RHOG: variants seen among roughly 807,000 people sequenced by gnomAD.
RHOG encodes the protein rho-related GTP-binding protein RhoG.
RHOG carries 1 observed loss-of-function variant against 12.3 expected under a neutral mutation model. The ratio of observed to expected loss-of-function variants is 0.08; its 90% CI spans 0.03 to 0.39. The LOEUF is 0.39. Ranked by LOEUF, RHOG falls within the 10% of genes least tolerant of loss-of-function variation. The pLI is 0.99. For synonymous variants in RHOG, 129 were observed against 116.0 expected, an observed-to-expected ratio of 1.11 and a Z score of -0.72; for missense variants, 114 against 266.2, an observed-to-expected ratio of 0.43 and a Z score of 3.98.
Position 3,829,992 on chromosome 11 carries a change from G to A in RHOG, c.-68-1786C>T, listed in dbSNP as rs181455630. ...GAACTCCTGACCTTGTGATCTGCCC[G>A]CCTTGGCCTTCCAAAAAGTGCTGGG... is the stretch of plus-strand genomic sequence containing the variant. On this transcript the variant is annotated intron_variant, in intron 1 of 1. Coordinates refer to ENST00000351018, the MANE Select transcript of RHOG (RefSeq NM_001665.4). Among the ~76,000 whole-genome samples, 202 of 152,056 alleles carry A rather than the reference G, an allele frequency of 1.3e-3. 1 individual carries two copies. The highest frequency in any genetic ancestry group is 2.1e-3 in the Non-Finnish European group (141 of 67,958).
rs2090083562 is a variant in RHOG at position 3,827,235 on chromosome 11, C to T, written c.*328G>A. 2 of 344,262 alleles carry T rather than the reference C, an allele frequency of 5.8e-6. No individual in the cohort carries two copies. Among genetic ancestry groups the T allele is most frequent in the Non-Finnish European group, 1.1e-5 (2 of 185,420 alleles). 21.3% of individuals were successfully genotyped at this position (344,262 alleles called of 1,614,324 possible). Reference sequence around the variant, plus strand: ...CCTGAGGCGGCACCACAATAGGCAGCAACAACTGTGTGGAAAGCTGGATGA... The same window carrying T: ...CCTGAGGCGGCACCACAATAGGCAGTAACAACTGTGTGGAAAGCTGGATGA... On this transcript the variant is annotated 3_prime_UTR_variant, in exon 2 of 2. Coordinates refer to ENST00000351018, the MANE Select transcript of RHOG (RefSeq NM_001665.4). The surrounding 1 kb of genome is among the most constrained non-coding windows in gnomAD (Gnocchi z 7.3).
chr11:3,828,796 A>AT lies in RHOG; in HGVS notation c.-68-591dup, dbSNP rs942473372. 7.9e-5 allele frequency among the ~76,000 whole-genome samples: 12 copies of AT among 151,416 alleles called. 1 individual carries two copies. The highest frequency in any genetic ancestry group is 6.3e-4 in the South Asian group (3 of 4,790). On this transcript the variant is annotated intron_variant, in intron 1 of 1. Coordinates refer to ENST00000351018, the MANE Select transcript of RHOG (RefSeq NM_001665.4). ...CCACCACGCCCGGCTAATTTTTTGTATTTTTAGTAGAGATGGGGTTTCACC... is the reference window on the plus strand; with the variant it reads ...CCACCACGCCCGGCTAATTTTTTGTATTTTTTAGTAGAGATGGGGTTTCACC...
chr11:3,830,827 G>A (rs1021831747), intron 1 of RHOG, among the ~76,000 whole-genome samples: 4 of 152,036 alleles, frequency 2.6e-5, no homozygotes, highest in African/African-American at 9.7e-5. Context: ...ACAGGGCCTC[G>A]GGGAGATGAA....
intron 1 of RHOG, among the ~76,000 whole-genome samples, chr11:3,840,336 C>A (rs2090183539): frequency 6.6e-6 from 1 of 152,200 alleles, no homozygotes; most frequent in African/African-American, 2.4e-5. Context: ...GGGGCTCCCC[C>A]ACCCAACCCG....
chr11:3,840,229 G>A (rs2135144082), intron 1 of RHOG, among the ~76,000 whole-genome samples: 1 of 152,252 alleles, frequency 6.6e-6, no homozygotes, highest in East Asian at 1.9e-4. Context: ...GCTCTGGTCA[G>A]CTAGGAACAG....
At chr11:3,836,750 A>C (rs577414434) in intron 1 of RHOG, among the ~76,000 whole-genome samples, 4 of 151,756 alleles carry the variant, frequency 2.6e-5, no homozygotes, top group African/African-American at 9.7e-5. Flanking sequence ...AAATACAAAA[A>C]AAATTAGCTG....
chr11:3,834,629 G>C (rs4597058), intron 1 of RHOG, among the ~76,000 whole-genome samples: 51,862 of 152,002 alleles, frequency 0.34, 9,845 homozygotes, highest in East Asian at 0.52. Flanking sequence ...AACCCTATCT[G>C]AATGTGGTCC....
intron 1 of RHOG, among the ~76,000 whole-genome samples, chr11:3,839,716 C>T (rs2090179709): frequency 2.0e-5 from 3 of 152,204 alleles, no homozygotes; most frequent in Admixed American, 6.5e-5. Context: ...GACTCTAGAA[C>T]TCACTAAGTC....
intron 1 of RHOG, among the ~76,000 whole-genome samples, chr11:3,836,389 T>C (rs184346463): frequency 2.9e-5 from 4 of 135,922 alleles, no homozygotes; most frequent in African/African-American, 1.1e-4. Flanking sequence ...AAAAAATCCA[T>C]GCTGGAGGAC....
At chr11:3,830,983 T>C (rs2090124322) in intron 1 of RHOG, among the ~76,000 whole-genome samples, 1 of 151,688 alleles carries the variant, frequency 6.6e-6, no homozygotes, top group South Asian at 2.1e-4. Context: ...TCCCTGACTG[T>C]CTCCCACAAC....
At chr11:3,832,972 T>A (rs934276626) in intron 1 of RHOG, among the ~76,000 whole-genome samples, 2 of 152,046 alleles carry the variant, frequency 1.3e-5, no homozygotes, top group African/African-American at 4.8e-5. Flanking sequence ...TGAAGGGTTG[T>A]AGTGTGTACA....
intron 1 of RHOG, among the ~76,000 whole-genome samples, chr11:3,839,657 A>T (rs2090179370): frequency 6.7e-6 from 1 of 149,774 alleles, no homozygotes; most frequent in Admixed American, 6.6e-5. Context: ...ATCCGTCTCT[A>T]TCACTGGGAG....
At chr11:3,839,065 C>T (rs532102425) in intron 1 of RHOG, among the ~76,000 whole-genome samples, 14 of 152,316 alleles carry the variant, frequency 9.2e-5, no homozygotes, top group Non-Finnish European at 1.6e-4. Context: ...TTGCCTCCGC[C>T]GCTTCTTAAG....
chr11:3,831,411 A>AGTGT (rs2090127655), intron 1 of RHOG, among the ~76,000 whole-genome samples: 1 of 148,210 alleles, frequency 6.7e-6, no homozygotes, highest in African/African-American at 2.6e-5. Flanking sequence ...TGAATGAGAG[A>AGTGT]GAGTGTGTGT....
chr11:3,839,602 A>AACACACACACACACACACACACACACAC (rs112483411), intron 1 of RHOG, among the ~76,000 whole-genome samples: 10 of 141,598 alleles, frequency 7.1e-5, no homozygotes, highest in African/African-American at 2.4e-4. Flanking sequence ...CACACACGCA[A>AACACACACACACACACACACACACACAC]ACACACACAC....
chr11:3,827,238 C>T lies in RHOG; in HGVS notation c.*325G>A. On this transcript the variant is annotated 3_prime_UTR_variant, in exon 2 of 2. Transcript: ENST00000351018. The surrounding 1 kb of genome is among the most constrained non-coding windows in gnomAD (Gnocchi z 7.3). Reference sequence around the variant, plus strand: ...GAGGCGGCACCACAATAGGCAGCAACAACTGTGTGGAAAGCTGGATGAACT... The same window carrying T: ...GAGGCGGCACCACAATAGGCAGCAATAACTGTGTGGAAAGCTGGATGAACT... The T allele has an allele frequency of 2.8e-6, 1 of 351,406 alleles. No homozygotes were observed. Among genetic ancestry groups the T allele is most frequent in the Non-Finnish European group, 5.3e-6 (1 of 189,742 alleles). 21.8% of individuals were successfully genotyped at this position (351,406 alleles called of 1,614,324 possible).
intron 1 of RHOG, among the ~76,000 whole-genome samples, chr11:3,831,428 T>G (rs984946269): frequency 1.2e-4 from 18 of 148,444 alleles, no homozygotes; most frequent in African/African-American, 4.7e-4. Flanking sequence ...GTGTGTGTGT[T>G]TGTGCGCGTG....
At chr11:3,834,933 C>T (rs940626980) in intron 1 of RHOG, among the ~76,000 whole-genome samples, 1 of 152,190 alleles carries the variant, frequency 6.6e-6, no homozygotes, top group Non-Finnish European at 1.5e-5. Flanking sequence ...CTGGCCATTC[C>T]AATCCTGATC....
intron 1 of RHOG, chr11:3,837,969 T>C (rs563436229): frequency 2.0e-5 from 3 of 152,408 alleles, no homozygotes; most frequent in South Asian, 2.1e-4. Context: ...CCTCCCCCCA[T>C]ATGAGATGAG....
Sources: gnomAD v4.1 joint callset for allele counts (sites outside exome capture counted in the v4.1 genomes callset) on GRCh38, gnomAD v4.1.1 for gene constraint, Gnocchi (gnomAD v3.1) non-coding constraint, MANE v1.5 for transcripts, NCBI Gene and HGNC (gene_info 2026-07-23, HGNC 2026-07-21) for gene names.